The following NAALADL2 variants were observed in gnomAD, a reference collection of about 807,000 sequenced individuals.
NAALADL2 encodes N-acetylated alpha-linked acidic dipeptidase like 2, also known as inactive N-acetylated-alpha-linked acidic dipeptidase-like protein 2.
A neutral mutation model predicts 87.2 loss-of-function variants in NAALADL2; 76 were observed. The observed-to-expected ratio is 0.87, with a 90% CI of 0.72 to 1.05. The LOEUF is 1.05. Ranked by LOEUF, NAALADL2 falls within the 50% of genes least tolerant of loss-of-function variation. NAALADL2 has a pLI of 0.00. For missense variants in NAALADL2, 1,089 were observed against 945.8 expected, an observed-to-expected ratio of 1.15 and a Z score of -1.99; for synonymous variants, 354 against 331.0, an observed-to-expected ratio of 1.07 and a Z score of -0.75.
chr3:174,767,664 A>T (rs1431848502), intron 3 of NAALADL2, among the ~76,000 whole-genome samples: 1 of 152,182 alleles, frequency 6.6e-6, no homozygotes, highest in Non-Finnish European at 1.5e-5. Context: ...ACAGTGCCTG[A>T]TATTGGGACA....
At chr3:175,054,118 A>G (rs1278569219) in intron 1 of NAALADL2, among the ~76,000 whole-genome samples, 3 of 152,256 alleles carry the variant, frequency 2.0e-5, no homozygotes, top group Admixed American at 2.0e-4. Flanking sequence ...ACTCACATTC[A>G]TAGGCATATT....
At chr3:175,366,142 A>T (rs1388301665) in intron 5 of NAALADL2, among the ~76,000 whole-genome samples, 2 of 142,092 alleles carry the variant, frequency 1.4e-5, no homozygotes, top group Non-Finnish European at 3.1e-5. Context: ...GTTTACTGAG[A>T]ATGATGATTT....
chr3:175,419,361 AATT>A (rs565414208), intron 5 of NAALADL2, among the ~76,000 whole-genome samples: 111 of 152,010 alleles, frequency 7.3e-4, no homozygotes, highest in African/African-American at 2.6e-3. Context: ...TAATTTTAAA[AATT>A]ATTATAAGCA....
At chr3:174,607,829 G>A (rs1578297254) in intron 2 of NAALADL2, among the ~76,000 whole-genome samples, 3 of 151,972 alleles carry the variant, frequency 2.0e-5, no homozygotes, top group African/African-American at 4.8e-5. Context: ...ATAGACATCT[G>A]CAGAACTCTC....
rs771915195 is a variant in NAALADL2 at position 175,343,655 on chromosome 3, G to GTTTTTTTTTTGTTTT, written c.1090+19340_1090+19341insGTTTTTTTTTTTTTT. On this transcript the variant is annotated intron_variant, in intron 5 of 13. Transcript: ENST00000454872. ...TGGAGTTCCTGTGTGTCTTGATCAT[G>GTTTTTTTTTTGTTTT]TTTTTTTTTTTTTTTTTTTTTCCCT... 1.3e-3 allele frequency among the ~76,000 whole-genome samples: 82 copies of GTTTTTTTTTTGTTTT among 64,710 alleles called. 5 individuals carry two copies. Among genetic ancestry groups the GTTTTTTTTTTGTTTT allele is most frequent in the Non-Finnish European group, 2.0e-3 (61 of 30,104 alleles). 42.5% of individuals were successfully genotyped at this position (64,710 alleles called of 152,430 possible).
At chr3:174,450,860 ACT>A (rs1373651038) in intron 1 of NAALADL2, among the ~76,000 whole-genome samples, 2 of 117,334 alleles carry the variant, frequency 1.7e-5, no homozygotes, top group African/African-American at 7.1e-5. Context: ...ACAGAATGAG[ACT>A]CTGTCTCAAA....
intron 3 of NAALADL2, among the ~76,000 whole-genome samples, chr3:174,792,527 C>A (rs550792128): frequency 6.6e-6 from 1 of 152,210 alleles, no homozygotes; most frequent in African/African-American, 2.4e-5. Flanking sequence ...ATGGCTGTGG[C>A]ATCAATTCTT....
chr3:175,787,454 G>A (rs1007572538), intron 13 of NAALADL2, among the ~76,000 whole-genome samples: 32 of 152,240 alleles, frequency 2.1e-4, no homozygotes, highest in African/African-American at 6.7e-4. Flanking sequence ...CACAATATTC[G>A]GATGGGAGTG....
chr3:175,228,676 T>C (rs1744512099), intron 2 of NAALADL2, among the ~76,000 whole-genome samples: 1 of 151,940 alleles, frequency 6.6e-6, no homozygotes, highest in African/African-American at 2.4e-5. Flanking sequence ...AGTTCTCCCA[T>C]AATGAGAATA....
In NAALADL2 at chr3:174,621,164, A is replaced by G. The variant is rs537127624; in HGVS notation, c.-115+70527A>G. On this transcript the variant is annotated intron_variant, in intron 2 of 3. Coordinates refer to the NAALADL2 transcript ENST00000434257. ...CACTTCTAGTTTCCTTTAGTTCAGA[A>G]TTGCCGCAAGCTTCTCTAGTAATTT... Among the ~76,000 whole-genome samples, 217 of 152,224 alleles carry G rather than the reference A, an allele frequency of 1.4e-3. 2 individuals are homozygous for G. Among genetic ancestry groups the G allele is most frequent in the African/African-American group, 5.0e-3 (209 of 41,578 alleles).
chr3:175,080,493 C>G (rs932123356), intron 1 of NAALADL2, among the ~76,000 whole-genome samples: 13 of 152,174 alleles, frequency 8.5e-5, no homozygotes, highest in Admixed American at 1.3e-4. Flanking sequence ...GAATTATCTA[C>G]TCTCCCAGAG....
chr3:175,658,864 A>G (rs1296903166), intron 11 of NAALADL2, among the ~76,000 whole-genome samples: 1 of 152,164 alleles, frequency 6.6e-6, no homozygotes, highest in Non-Finnish European at 1.5e-5. Context: ...ACAAATAATT[A>G]TTCTTAGTAG....
At chr3:174,613,816 T>C (rs1720179286) in intron 2 of NAALADL2, among the ~76,000 whole-genome samples, 3 of 152,190 alleles carry the variant, frequency 2.0e-5, no homozygotes. Flanking sequence ...CAAAGTCTCA[T>C]TTACTTACCC....
chr3:174,618,393 C>G (rs572259411), intron 2 of NAALADL2, among the ~76,000 whole-genome samples: 1 of 151,694 alleles, frequency 6.6e-6, no homozygotes, highest in Non-Finnish European at 1.5e-5. Flanking sequence ...TCTCTATTAT[C>G]TCTATACAGT....
At chr3:174,560,510 T>C (rs1464209933) in intron 2 of NAALADL2, among the ~76,000 whole-genome samples, 4 of 152,206 alleles carry the variant, frequency 2.6e-5, no homozygotes, top group Non-Finnish European at 1.5e-5. Flanking sequence ...TTATCTTCAG[T>C]GACTGGAATA....
rs994678466 is a variant in NAALADL2, at chr3:174,788,234, G to A, written c.-9+50488G>A. Among the ~76,000 whole-genome samples, 6 of 152,130 alleles carry A rather than the reference G, an allele frequency of 3.9e-5. No homozygotes were observed. In the Middle Eastern group the frequency reaches 0.01, roughly 260 times the overall value. On this transcript the variant is annotated intron_variant, in intron 3 of 3. Transcript: ENST00000434257. ...TACCAGAAGAATTGCAATAGAAATC[G>A]GAATCACTTAGATCCAGCAAAATAC...
intron 11 of NAALADL2, among the ~76,000 whole-genome samples, chr3:175,649,733 C>T (rs1415183017): frequency 6.6e-6 from 1 of 152,128 alleles, no homozygotes. Context: ...CCTTACTTAA[C>T]TTTAATTACT....
chr3:174,820,947 A>G (rs958582262), intron 3 of NAALADL2, among the ~76,000 whole-genome samples: 5 of 152,228 alleles, frequency 3.3e-5, no homozygotes, highest in Admixed American at 2.6e-4. Flanking sequence ...AAGTTTGAGT[A>G]TCCAGACAAC....
At chr3:174,852,155 C>G (rs891666959) in intron 3 of NAALADL2, among the ~76,000 whole-genome samples, 4 of 151,932 alleles carry the variant, frequency 2.6e-5, no homozygotes, top group Non-Finnish European at 5.9e-5. Flanking sequence ...TTTCTAAGAT[C>G]CAGAATAAGA....
Sources: gnomAD v4.1 joint callset for allele counts (sites outside exome capture counted in the v4.1 genomes callset) on GRCh38, gnomAD v4.1.1 for gene constraint, MANE v1.5 for transcripts, NCBI Gene and HGNC (gene_info 2026-07-23, HGNC 2026-07-21) for gene names.